The following NR3C1 variants were observed in gnomAD, a reference collection of about 807,000 sequenced individuals.
NR3C1 encodes glucocorticoid receptor.
Under a neutral mutation model 74.0 loss-of-function variants are expected in NR3C1, and 14 were observed. The ratio of observed to expected loss-of-function variants is 0.19; its 90% CI spans 0.12 to 0.30. NR3C1 has a LOEUF of 0.30. Among genes scored for constraint, NR3C1 ranks in the 10% least tolerant of loss-of-function variants. The pLI, the probability that NR3C1 is intolerant of heterozygous loss-of-function variation, is 1.00. For missense variants in NR3C1, 695 were observed against 909.8 expected (o/e 0.76, Z 3.04); for synonymous variants, 308 against 332.5 (o/e 0.93, Z 0.80).
At chr5:143,327,768 C>T (rs551016119) in intron 2 of NR3C1, among the ~76,000 whole-genome samples, 7 of 152,382 alleles carry the variant, frequency 4.6e-5, no homozygotes, top group Admixed American at 6.5e-5. Context: ...ATTCAGGGCA[C>T]ACTGAAGTAA....
In NR3C1 at chr5:143,279,290, A is replaced by G; in HGVS notation, c.*2599T>C. 1 of 1,505,328 alleles carries G rather than the reference A, an allele frequency of 6.6e-7. No homozygotes were observed. Among genetic ancestry groups the G allele is most frequent in the Non-Finnish European group, 8.9e-7 (1 of 1,121,104 alleles). 93.2% of individuals were successfully genotyped at this position (1,505,328 alleles called of 1,614,324 possible). On this transcript the variant is annotated 3_prime_UTR_variant, in exon 9 of 9. Transcript: ENST00000394464. ...ATGAGCATCAGTTGACTTATTATTG[A>G]CAACGAAGTGCACATAATCTTCTTT...
intron 2 of NR3C1, among the ~76,000 whole-genome samples, chr5:143,357,758 A>G (rs61752267): frequency 1.3e-3 from 204 of 152,358 alleles, no homozygotes; most frequent in Non-Finnish European, 2.2e-3. Flanking sequence ...AGTTGTCTTC[A>G]CTGAAAAATA....
At chr5:143,406,428 T>C (rs1215238168), upstream of NR3C1, among the ~76,000 whole-genome samples, 2 of 151,654 alleles carry the variant, frequency 1.3e-5, no homozygotes, top group Admixed American at 6.6e-5. Context: ...AAAAAACTTA[T>C]CCTAATTTCT....
At chr5:143,417,193 ATCT>A (rs1369451075) in intron 1 of NR3C1, among the ~76,000 whole-genome samples, 2 of 152,202 alleles carry the variant, frequency 1.3e-5, no homozygotes, top group Admixed American at 1.3e-4. Flanking sequence ...ATATTTTAAT[ATCT>A]TCTTAGCATT....
chr5:143,334,086 A>G (rs1826594317), intron 2 of NR3C1, among the ~76,000 whole-genome samples: 2 of 152,162 alleles, frequency 1.3e-5, no homozygotes, highest in Admixed American at 6.5e-5. Context: ...AGGGTCAAAG[A>G]AAAGACAGTA....
rs1373426045 is a variant in NR3C1 at position 143,300,190 on chromosome 5, C to T, written c.1747+295G>A. Among the ~76,000 whole-genome samples the T allele has an allele frequency of 6.6e-6, 1 of 152,104 alleles. No individual in the cohort carries two copies. The highest frequency in any genetic ancestry group is 6.5e-5 in the Admixed American group (1 of 15,268). ...AATTAACTAAAAACATTTTCTTTCCCCAAACTTCAGTGTAAAAGGAGTTTT... is the reference window on the plus strand; with the variant it reads ...AATTAACTAAAAACATTTTCTTTCCTCAAACTTCAGTGTAAAAGGAGTTTT... On this transcript the variant is annotated intron_variant, in intron 5 of 8. Transcript: ENST00000394464. This position sits in a 1 kb window ranked among gnomAD's most constrained non-coding sequence, Gnocchi z 5.2.
intron 1 of NR3C1, among the ~76,000 whole-genome samples, chr5:143,428,081 C>T (rs927121960): frequency 2.0e-5 from 3 of 152,084 alleles, no homozygotes; most frequent in African/African-American, 7.2e-5. Context: ...TGTTAATCAC[C>T]TGAACTTAGT....
At chr5:143,317,632 C>G (rs949239679) in intron 2 of NR3C1, among the ~76,000 whole-genome samples, 4 of 152,036 alleles carry the variant, frequency 2.6e-5, no homozygotes, top group Admixed American at 6.6e-5. Flanking sequence ...GAGAGAAAAC[C>G]ATGCATAAAG....
chr5:143,329,815 A>AT (rs936167753), intron 2 of NR3C1, among the ~76,000 whole-genome samples: 1 of 151,980 alleles, frequency 6.6e-6, no homozygotes, highest in Non-Finnish European at 1.5e-5. Flanking sequence ...GGCTGACTAC[A>AT]TTTTTTTTAA....
chr5:143,322,938 A>G (rs563187242), intron 2 of NR3C1, among the ~76,000 whole-genome samples: 1 of 152,334 alleles, frequency 6.6e-6, no homozygotes, highest in East Asian at 1.9e-4. Flanking sequence ...AGGTCCCTAC[A>G]TATCCACTGA....
chr5:143,403,187 G>A (rs906118729), intron 1 of NR3C1, 24 bp downstream of exon 1: 25 of 984,770 alleles, frequency 2.5e-5, no homozygotes, highest in South Asian at 4.7e-5. Context: ...GCGCGCCCCG[G>A]CCCCCTCCCG....
intron 4 of NR3C1, among the ~76,000 whole-genome samples, chr5:143,307,849 A>G (rs1373789606): frequency 6.6e-6 from 1 of 152,196 alleles, no homozygotes; most frequent in Admixed American, 6.5e-5. Context: ...GAAAGTGGGG[A>G]ATACTGTTTT....
At chr5:143,361,203 AGAC>A (rs1203314174) in intron 2 of NR3C1, among the ~76,000 whole-genome samples, 3 of 152,228 alleles carry the variant, frequency 2.0e-5, no homozygotes, top group African/African-American at 7.2e-5. Flanking sequence ...GAATGACTAA[AGAC>A]AAAATAGGTA....
At chr5:143,418,040 C>T (rs1561813040) in intron 1 of NR3C1, among the ~76,000 whole-genome samples, 1 of 152,132 alleles carries the variant, frequency 6.6e-6, no homozygotes, top group Admixed American at 6.5e-5. Context: ...CCAAAAGAAA[C>T]AGAAGCACAG....
At chr5:143,360,563 T>C (rs1290530971) in intron 2 of NR3C1, among the ~76,000 whole-genome samples, 1 of 152,252 alleles carries the variant, frequency 6.6e-6, no homozygotes, top group Non-Finnish European at 1.5e-5. Context: ...TTATCTTTGT[T>C]TGCTGATTAA....
At chr5:143,346,152 A>T (rs1369444168) in intron 2 of NR3C1, among the ~76,000 whole-genome samples, 1 of 152,238 alleles carries the variant, frequency 6.6e-6, no homozygotes, top group East Asian at 1.9e-4. Context: ...TAAGTTACTG[A>T]CAAGTTAGAG....
At chr5:143,287,768 A>G (rs925938054) in intron 7 of NR3C1, among the ~76,000 whole-genome samples, 11 of 152,190 alleles carry the variant, frequency 7.2e-5, no homozygotes, top group Non-Finnish European at 5.9e-5. Flanking sequence ...ATATTAGCAA[A>G]CCAAATTCAA....
intron 7 of NR3C1, among the ~76,000 whole-genome samples, chr5:143,293,185 A>G: frequency 6.6e-6 from 1 of 152,318 alleles, no homozygotes; most frequent in African/African-American, 2.4e-5. Context: ...ATACCATGGA[A>G]TACTACTCAG....
chr5:143,293,839 T>G, intron 7 of NR3C1: 1 of 947,106 alleles, frequency 1.1e-6, no homozygotes, highest in Non-Finnish European at 1.3e-6. Flanking sequence ...TCAATTAGTC[T>G]GGGATGTATA....
Sources: gnomAD v4.1 joint callset for allele counts (sites outside exome capture counted in the v4.1 genomes callset) on GRCh38, gnomAD v4.1.1 for gene constraint, Gnocchi (gnomAD v3.1) non-coding constraint, MANE v1.5 for transcripts, NCBI Gene and HGNC (gene_info 2026-07-23, HGNC 2026-07-21) for gene names.